The following EFNA2 variants were observed in gnomAD, a reference collection of about 807,000 sequenced individuals.
EFNA2 encodes ephrin-A2.
Under a neutral mutation model 19.7 loss-of-function variants are expected in EFNA2, and 18 were observed. That is an observed-to-expected ratio of 0.91 (90% confidence interval 0.63 to 1.35). The LOEUF is 1.35. EFNA2 is among the 40% of genes most tolerant of loss of function. The probability of loss-of-function intolerance (pLI) is 0.00; values close to 1 mark genes in which losing one functional copy is unlikely to be tolerated. For synonymous variants in EFNA2, 187 were observed against 137.8 expected (o/e 1.36, Z -2.50); for missense variants, 303 against 296.0 (o/e 1.02, Z -0.17).
In EFNA2 at chr19:1,290,972, C is replaced by T. The variant is rs1414382616; in HGVS notation, c.141-4573C>T. On this transcript the variant is annotated intron_variant, in intron 1 of 3. Coordinates refer to ENST00000215368, the MANE Select transcript of EFNA2 (RefSeq NM_001405.4). ...GGGGTCTGGCCGAGAGACTCAGCGGCGTGTCCCCCCAGCTCTGTGCGCCCC... is the reference window on the plus strand; with the variant it reads ...GGGGTCTGGCCGAGAGACTCAGCGGTGTGTCCCCCCAGCTCTGTGCGCCCC... Among the ~76,000 whole-genome samples, 4 of 152,344 alleles carry T rather than the reference C, an allele frequency of 2.6e-5. No individual in the cohort carries two copies. The East Asian group carries it at 5.8e-4, about 22-fold the overall frequency.
rs888481004 is a variant in EFNA2 at position 1,296,488 on chromosome 19, C to T, written c.454+630C>T. On this transcript the variant is annotated intron_variant, in intron 2 of 3. Coordinates refer to ENST00000215368, the MANE Select transcript of EFNA2 (RefSeq NM_001405.4). The surrounding 1 kb of genome is among the most constrained non-coding windows in gnomAD (Gnocchi z 4.4). ...GGCCAGCGTGGACAACGTAGGGAGACCTTCTCTCTACAAAAACATAAAAAC... is the reference window on the plus strand; with the variant it reads ...GGCCAGCGTGGACAACGTAGGGAGATCTTCTCTCTACAAAAACATAAAAAC... Among the ~76,000 whole-genome samples the T allele has an allele frequency of 1.3e-5, 2 of 152,124 alleles. No homozygotes were observed. The highest frequency in any genetic ancestry group is 2.9e-5 in the Non-Finnish European group (2 of 68,012).
chr19:1,295,641 G>C lies in EFNA2; in HGVS notation c.237G>C (p.Pro79=). ...LDIYCPHYGA[P]LPPAERMEHY... is the part of the protein sequence containing the mutation. ...TCTACTGCCCGCACTATGGGGCGCC[G>C]CTGCCGCCGGCCGAGCGCATGGAGC... The change falls in exon 2 of 4, where the codon CCG becomes CCC. Residue 79 remains proline (P), a synonymous_variant. Transcript: ENST00000215368. This position sits in a 1 kb window ranked among gnomAD's most constrained non-coding sequence, Gnocchi z 5.8. The C allele has an allele frequency of 2.5e-6, 4 of 1,611,268 alleles. No individual in the cohort carries two copies. The highest frequency in any genetic ancestry group is 3.4e-6 in the Non-Finnish European group (4 of 1,179,290).
chr19:1,292,282 A>G (rs556235442), intron 1 of EFNA2, among the ~76,000 whole-genome samples: 38 of 152,350 alleles, frequency 2.5e-4, no homozygotes, highest in African/African-American at 9.1e-4. Context: ...AGGGAAAAAT[A>G]CGGCCCCACT....
rs975485692 is a variant in EFNA2, at chr19:1,297,509, G to A, written c.455-1042G>A. Among the ~76,000 whole-genome samples, 4 of 152,064 alleles carry A rather than the reference G, an allele frequency of 2.6e-5. No homozygotes were observed. The highest frequency in any genetic ancestry group is 9.7e-5 in the African/African-American group (4 of 41,384). On this transcript the variant is annotated intron_variant, in intron 2 of 3. Coordinates refer to ENST00000215368, the MANE Select transcript of EFNA2 (RefSeq NM_001405.4). This position sits in a 1 kb window ranked among gnomAD's most constrained non-coding sequence, Gnocchi z 5.0. ...CCAGTGTGAGGGGTTTCTAGGGGGC[G>A]GGCAGAGGTGGTGGCCATGAGAGCC...
chr19:1,298,438 C>G, intron 2 of EFNA2, 113 bp from the exon 3 acceptor site: 1 of 1,022,272 alleles, frequency 9.8e-7, no homozygotes, highest in Non-Finnish European at 1.5e-6. Context: ...TTAAGGGTGG[C>G]TCTCCACCTG....
Position 1,295,950 on chromosome 19 carries a change from C to CG in EFNA2, c.454+96dup, listed in dbSNP as rs1485909232. On this transcript the variant is annotated intron_variant, in intron 2 of 3. Transcript: ENST00000215368. The surrounding 1 kb of genome is among the most constrained non-coding windows in gnomAD (Gnocchi z 5.8). ...GTGGGCGGGACCACTGGGGTGGGGC[C>CG]GGGGAGTGGGCGGGGCAGCGCAGTG... is the stretch of plus-strand genomic sequence containing the variant. 2.1e-5 allele frequency: 5 copies of CG among 234,160 alleles called. No homozygotes were observed. The East Asian group carries it at 9.0e-4, about 42-fold the overall frequency. 14.5% of individuals were successfully genotyped at this position (234,160 alleles called of 1,614,324 possible). A position where few individuals can be genotyped will look rare whatever the true frequency, so the allele number is the denominator to read the frequency against.
upstream of EFNA2, among the ~76,000 whole-genome samples, chr19:1,285,374 A>G (rs1600051964): frequency 1.3e-5 from 2 of 152,148 alleles, no homozygotes; most frequent in South Asian, 4.1e-4. The surrounding 1 kb of genome is among the most constrained non-coding windows in gnomAD (Gnocchi z 4.1). Context: ...AGGTGTAGGG[A>G]CTTACTCCAT....
rs1421099833 is a variant in EFNA2, at chr19:1,286,151, G to A, written c.-18G>A. ...AGGCGGCGGCCGGGAGAGCGAGCGC[G>A]GCGGCCGGACCGGGGCCATGGCGCC... On this transcript the variant is annotated 5_prime_UTR_variant, in exon 1 of 4. Transcript: ENST00000215368. This position sits in a 1 kb window ranked among gnomAD's most constrained non-coding sequence, Gnocchi z 5.6. The A allele has an allele frequency of 1.1e-6, 1 of 919,576 alleles. No individual in the cohort carries two copies. The highest frequency in any genetic ancestry group is 1.1e-4 in the East Asian group (1 of 8,742). The allele number at this position is 919,576 out of a possible 1,614,324, so 57.0% of individuals were successfully genotyped here.
In EFNA2 at chr19:1,300,034, CT is replaced by C; in HGVS notation, c.*90del. ...CTCCGGACCCGGCTGCGGCCCCCGCCTCCGAGACCAAATAGAGACGCTGCTT... is the reference window on the plus strand; with the variant it reads ...CTCCGGACCCGGCTGCGGCCCCCGCCCCGAGACCAAATAGAGACGCTGCTT... On this transcript the variant is annotated 3_prime_UTR_variant, in exon 4 of 4. Coordinates refer to ENST00000215368, the MANE Select transcript of EFNA2 (RefSeq NM_001405.4). The C allele has an allele frequency of 6.9e-7, 1 of 1,454,992 alleles. No individual in the cohort carries two copies. Among genetic ancestry groups the C allele is most frequent in the Admixed American group, 2.5e-5 (1 of 40,750 alleles). The allele number at this position is 1,454,992 out of a possible 1,614,324, so 90.1% of individuals were successfully genotyped here.
At position 1,294,488 on chromosome 19, in the gene EFNA2, C is replaced by A. The variant is rs1293677183; in HGVS notation, c.141-1057C>A. On this transcript the variant is annotated intron_variant, in intron 1 of 3. Coordinates refer to ENST00000215368, the MANE Select transcript of EFNA2 (RefSeq NM_001405.4). This position sits in a 1 kb window ranked among gnomAD's most constrained non-coding sequence, Gnocchi z 5.8. ...CTGAGGTGTCAGGAGTGCAGGCACC[C>A]AAGAGGGAGACCAGGAGGCCGCCGG... Among the ~76,000 whole-genome samples, 3 of 150,576 alleles carry A rather than the reference C, an allele frequency of 2.0e-5. No homozygotes were observed.
chr19:1,295,835 C>T lies in EFNA2; in HGVS notation c.431C>T (p.Pro144Leu), dbSNP rs1378794280. The T allele has an allele frequency of 5.0e-6, 8 of 1,605,788 alleles. No individual in the cohort carries two copies. The highest frequency in any genetic ancestry group is 6.8e-6 in the Non-Finnish European group (8 of 1,177,796). Residue 144 changes from proline (P) to leucine (L), a missense_variant, in exon 2 of 4, where the codon CCC becomes CTC. By Grantham distance (98) the Pro-to-Leu change is moderately conservative. Coordinates refer to ENST00000215368, the MANE Select transcript of EFNA2 (RefSeq NM_001405.4). The surrounding 1 kb of genome is among the most constrained non-coding windows in gnomAD (Gnocchi z 5.8). Reference protein sequence around the residue: ...TPFSLGFEFRPGHEYYYISAT... With the variant: ...TPFSLGFEFRLGHEYYYISAT... ...TTCTCCCTGGGCTTCGAGTTCCGGC[C>T]CGGCCACGAGTATTACTACATCTGT...
chr19:1,301,245 T>C lies in EFNA2; in HGVS notation c.*1300T>C, dbSNP rs1156751264. Reference sequence around the variant, plus strand: ...ATATATTATATATAAATATATATTGTGTACGGCCGCCGGCCGGCGGCTCGA... The same window carrying C: ...ATATATTATATATAAATATATATTGCGTACGGCCGCCGGCCGGCGGCTCGA... On this transcript the variant is annotated 3_prime_UTR_variant, in exon 4 of 4. Coordinates refer to ENST00000215368, the MANE Select transcript of EFNA2 (RefSeq NM_001405.4). 6.8e-6 allele frequency among the ~76,000 whole-genome samples: 1 copy of C among 147,084 alleles called. No homozygotes were observed. Among genetic ancestry groups the C allele is most frequent in the Admixed American group, 6.8e-5 (1 of 14,776 alleles).
At position 1,287,017 on chromosome 19, in the gene EFNA2, T is replaced by TG. The variant is rs776694569; in HGVS notation, c.140+714dup. On this transcript the variant is annotated intron_variant, in intron 1 of 3. Transcript: ENST00000215368. The surrounding 1 kb of genome is among the most constrained non-coding windows in gnomAD (Gnocchi z 6.2). Reference sequence around the variant, plus strand: ...CTCAAGGTCATGCAAGGGGGGGACTTGGGGGCAGGACCCAGGTGGCCCAGT... The same window carrying TG: ...CTCAAGGTCATGCAAGGGGGGGACTTGGGGGGCAGGACCCAGGTGGCCCAGT... 5.3e-5 allele frequency among the ~76,000 whole-genome samples: 8 copies of TG among 151,934 alleles called. No homozygotes were observed. The highest frequency in any genetic ancestry group is 8.8e-5 in the Non-Finnish European group (6 of 67,954).
rs2081468666 is a variant in EFNA2 at position 1,287,089 on chromosome 19, G to A, written c.140+781G>A. Among the ~76,000 whole-genome samples the A allele has an allele frequency of 6.6e-6, 1 of 152,230 alleles. No homozygotes were observed. Among genetic ancestry groups the A allele is most frequent in the African/African-American group, 2.4e-5 (1 of 41,460 alleles). ...CGAGATGCCGCACCCGCCTGCTGCA[G>A]GCCCCCTTGTTTTGAACCAGGTCCG... On this transcript the variant is annotated intron_variant, in intron 1 of 3. Transcript: ENST00000215368. The surrounding 1 kb of genome is among the most constrained non-coding windows in gnomAD (Gnocchi z 6.2).
At chr19:1,299,768 G>A in intron 3 of EFNA2, 56 bp from the exon 4 acceptor site, 1 of 1,541,472 alleles carries the variant, frequency 6.5e-7, no homozygotes. Flanking sequence ...GGCGGCACGT[G>A]GGGAGCCCAG....
At chr19:1,299,582 C>CAAAAAAAAAAAAAAAAAAAAAAAAAAAGA (rs76643561) in intron 3 of EFNA2, among the ~76,000 whole-genome samples, 2 of 94,858 alleles carry the variant, frequency 2.1e-5, no homozygotes, top group Non-Finnish European at 4.5e-5. Flanking sequence ...AAAAATAAAG[C>CAAAAAAAAAAAAAAAAAAAAAAAAAAAGA]AAAAAAAAAA....
In EFNA2 at chr19:1,295,784, C is replaced by T. The variant is rs1830763023; in HGVS notation, c.380C>T (p.Ser127Leu). 6.2e-7 allele frequency: 1 copy of T among 1,607,650 alleles called. No individual in the cohort carries two copies. The highest frequency in any genetic ancestry group is 2.2e-5 in the East Asian group (1 of 44,568). ...GCGCCCGGGGGGCCGCTCAAGTTCT[C>T]GGAGAAGTTCCAGCTCTTCACGCCC... ...PAAPGGPLKF[S>L]EKFQLFTPFS... Residue 127 changes from serine (S) to leucine (L), a missense_variant, in exon 2 of 4, where the codon TCG becomes TTG. Physicochemically the swap from Ser to Leu is moderately radical, Grantham distance 145. Transcript: ENST00000215368. This position sits in a 1 kb window ranked among gnomAD's most constrained non-coding sequence, Gnocchi z 5.8.
In EFNA2 at chr19:1,297,437, C is replaced by T. The variant is rs556582719; in HGVS notation, c.455-1114C>T. Reference sequence around the variant, plus strand: ...TAATTATTGTAATTATTCGTCCTACCTCTGTGATGAATGTTATTTTTATTA... The same window carrying T: ...TAATTATTGTAATTATTCGTCCTACTTCTGTGATGAATGTTATTTTTATTA... On this transcript the variant is annotated intron_variant, in intron 2 of 3. Transcript: ENST00000215368. The surrounding 1 kb of genome is among the most constrained non-coding windows in gnomAD (Gnocchi z 5.0). Among the ~76,000 whole-genome samples, 18 of 152,294 alleles carry T rather than the reference C, an allele frequency of 1.2e-4. 1 individual carries two copies. Among genetic ancestry groups the T allele is most frequent in the African/African-American group, 4.3e-4 (18 of 41,558 alleles).
In EFNA2 at chr19:1,295,141, G is replaced by T. The variant is rs1435764812; in HGVS notation, c.141-404G>T. On this transcript the variant is annotated intron_variant, in intron 1 of 3. Coordinates refer to ENST00000215368, the MANE Select transcript of EFNA2 (RefSeq NM_001405.4). The surrounding 1 kb of genome is among the most constrained non-coding windows in gnomAD (Gnocchi z 5.8). Reference sequence around the variant, plus strand: ...GGGCTCCCAACCTTGGAAGCCCGCCGTGATTGGGGTGTGCAACCCCACCTG... The same window carrying T: ...GGGCTCCCAACCTTGGAAGCCCGCCTTGATTGGGGTGTGCAACCCCACCTG... Among the ~76,000 whole-genome samples, 1 of 152,148 alleles carries T rather than the reference G, an allele frequency of 6.6e-6. No homozygotes were observed. The highest frequency in any genetic ancestry group is 1.5e-5 in the Non-Finnish European group (1 of 68,010).
Sources: allele counts gnomAD v4.1 joint callset (sites outside exome capture counted in the v4.1 genomes callset), GRCh38; gene constraint gnomAD v4.1.1; non-coding constraint Gnocchi (gnomAD v3.1); transcripts MANE v1.5; gene names NCBI Gene and HGNC (gene_info 2026-07-23, HGNC 2026-07-21).